The following LRRIQ3 variants were observed in gnomAD, a reference collection of about 807,000 sequenced individuals.
LRRIQ3 encodes the protein leucine rich repeats and IQ motif containing 3.
Under a neutral mutation model 59.3 loss-of-function variants are expected in LRRIQ3, and 75 were observed. The observed-to-expected ratio is 1.26, with a 90% CI of 1.05 to 1.53. The LOEUF (loss-of-function observed/expected upper bound fraction) is 1.53, where lower values mean the gene tolerates loss of function less well. LRRIQ3 is among the 40% of genes most tolerant of loss of function. The pLI is 0.00. For missense variants in LRRIQ3, 831 were observed against 710.0 expected, an observed-to-expected ratio of 1.17 and a Z score of -1.94; for synonymous variants, 250 against 231.3, an observed-to-expected ratio of 1.08 and a Z score of -0.73.
At chr1:74,051,386 T>A (rs1054344439) in intron 6 of LRRIQ3, among the ~76,000 whole-genome samples, 8 of 152,168 alleles carry the variant, frequency 5.3e-5, no homozygotes, top group Admixed American at 3.9e-4. Context: ...ATGTGACTGT[T>A]AGTGACAACG....
At chr1:74,180,587 G>C in intron 3 of LRRIQ3, 1 of 775,674 alleles carries the variant, frequency 1.3e-6, no homozygotes, top group Non-Finnish European at 2.0e-6. Context: ...CAAAATAGTA[G>C]AGGAGTATTT....
Position 74,027,459 on chromosome 1 carries a change from C to A in LRRIQ3, c.1719-490G>T, listed in dbSNP as rs1487944631. Reference sequence around the variant, plus strand: ...TTTGTGTACTTATAAGAAGAGGAAGCAAGAGCAGAGATGTGAGTGTACAGA... The same window carrying A: ...TTTGTGTACTTATAAGAAGAGGAAGAAAGAGCAGAGATGTGAGTGTACAGA... On this transcript the variant is annotated intron_variant, in intron 7 of 7. Transcript: ENST00000354431. Among the ~76,000 whole-genome samples the A allele has an allele frequency of 2.0e-5, 3 of 152,028 alleles. No individual in the cohort carries two copies. In the East Asian group the frequency reaches 5.8e-4, roughly 29 times the overall value.
intron 4 of LRRIQ3, among the ~76,000 whole-genome samples, chr1:74,148,741 A>G (rs950010537): frequency 1.3e-5 from 2 of 152,204 alleles, no homozygotes; most frequent in African/African-American, 4.8e-5. Flanking sequence ...TTACATCTGC[A>G]TAATATCATT....
rs546491368 is a variant in LRRIQ3, at chr1:74,144,127, T to C, written c.707+11606A>G. Among the ~76,000 whole-genome samples, 60 of 152,074 alleles carry C rather than the reference T, an allele frequency of 3.9e-4. 1 individual carries two copies. The South Asian group carries it at 4.6e-3, about 12-fold the overall frequency. On this transcript the variant is annotated intron_variant, in intron 4 of 7. Transcript: ENST00000354431. The stretch of plus-strand genomic sequence containing the variant: ...GGCACCTTTCAGTTAGTAGCTCTTG[T>C]TTTTTCTCTTTTCTCCTTAACAAAG...
intron 7 of LRRIQ3, among the ~76,000 whole-genome samples, chr1:74,034,035 T>C (rs1397753292): frequency 3.9e-5 from 6 of 152,004 alleles, no homozygotes; most frequent in African/African-American, 1.4e-4. Flanking sequence ...CTGTGGGTAT[T>C]TTATTAACTT....
chr1:74,063,935 T>A (rs1654799354), intron 6 of LRRIQ3, among the ~76,000 whole-genome samples: 1 of 151,912 alleles, frequency 6.6e-6, no homozygotes, highest in South Asian at 2.1e-4. Flanking sequence ...TTTAATTATT[T>A]TAATAATTGT....
chr1:74,134,011 A>G (rs1364940869), intron 4 of LRRIQ3, among the ~76,000 whole-genome samples: 1 of 151,940 alleles, frequency 6.6e-6, no homozygotes, highest in Non-Finnish European at 1.5e-5. Flanking sequence ...AGTATTATTT[A>G]TGAGAGTATT....
chr1:74,077,052 G>A (rs556930381), intron 5 of LRRIQ3, among the ~76,000 whole-genome samples: 28 of 152,056 alleles, frequency 1.8e-4, no homozygotes, highest in Middle Eastern at 3.4e-3. Flanking sequence ...AAGTAATGCT[G>A]CTTCTATTTT....
At chr1:74,174,295 G>T (rs1245589281) in intron 3 of LRRIQ3, among the ~76,000 whole-genome samples, 1 of 151,134 alleles carries the variant, frequency 6.6e-6, no homozygotes, top group African/African-American at 2.4e-5. Context: ...CTGCTTGACT[G>T]AGTCTACTGT....
chr1:74,155,888 A>G (rs1352243910), intron 3 of LRRIQ3, 22 bp from the exon 4 acceptor site: 1 of 1,182,374 alleles, frequency 8.5e-7, no homozygotes, highest in Non-Finnish European at 1.1e-6. Flanking sequence ...AAATATAATT[A>G]ATAATTTTTA....
At chr1:74,163,425 G>A (rs1648775766) in intron 3 of LRRIQ3, among the ~76,000 whole-genome samples, 1 of 151,344 alleles carries the variant, frequency 6.6e-6, no homozygotes, top group South Asian at 2.1e-4. Context: ...TAAACCCAGG[G>A]CATAGAACAA....
At chr1:74,035,164 T>A (rs1289995581) in intron 7 of LRRIQ3, among the ~76,000 whole-genome samples, 1 of 152,062 alleles carries the variant, frequency 6.6e-6, no homozygotes, top group Non-Finnish European at 1.5e-5. Flanking sequence ...GAGATATAAA[T>A]AATTGTGTTC....
intron 4 of LRRIQ3, among the ~76,000 whole-genome samples, chr1:74,141,127 C>A (rs373391128): frequency 1.3e-5 from 2 of 151,722 alleles, no homozygotes; most frequent in East Asian, 1.9e-4. Flanking sequence ...TAATTTGCGT[C>A]TTTTTACATT....
At chr1:74,081,270 T>G (rs534821908) in intron 5 of LRRIQ3, among the ~76,000 whole-genome samples, 1 of 151,670 alleles carries the variant, frequency 6.6e-6, no homozygotes, top group African/African-American at 2.4e-5. Flanking sequence ...AGCCAAGAAA[T>G]GAGGGCACCT....
intron 6 of LRRIQ3, among the ~76,000 whole-genome samples, chr1:74,060,224 C>CTTCTTG (rs1553163078): frequency 5.3e-5 from 6 of 112,170 alleles, no homozygotes; most frequent in African/African-American, 2.9e-4. Context: ...TCTTCTTGTT[C>CTTCTTG]TTCTTCTTCT....
chr1:74,040,364 C>T (rs546969239), intron 7 of LRRIQ3, among the ~76,000 whole-genome samples: 13 of 152,262 alleles, frequency 8.5e-5, no homozygotes, highest in Non-Finnish European at 1.8e-4. Flanking sequence ...ACCCCACTGT[C>T]AATATTAGAC....
intron 1 of LRRIQ3, among the ~76,000 whole-genome samples, chr1:74,190,022 G>A (rs1650657261): frequency 6.6e-6 from 1 of 152,094 alleles, no homozygotes; most frequent in South Asian, 2.1e-4. Context: ...CATGTAAGGA[G>A]CTTGGAGTAG....
At chr1:74,193,428 A>G (rs1411076371) in intron 1 of LRRIQ3, among the ~76,000 whole-genome samples, 1 of 152,170 alleles carries the variant, frequency 6.6e-6, no homozygotes, top group Non-Finnish European at 1.5e-5. Context: ...AACCATGTCT[A>G]TAAAATAAAA....
intron 5 of LRRIQ3, among the ~76,000 whole-genome samples, chr1:74,091,523 G>A (rs181512943): frequency 4.6e-5 from 7 of 152,028 alleles, no homozygotes; most frequent in South Asian, 2.1e-4. Context: ...TTGATTAAAC[G>A]TAGCTAACAA....
Sources: gnomAD v4.1 joint callset for allele counts (sites outside exome capture counted in the v4.1 genomes callset) on GRCh38, gnomAD v4.1.1 for gene constraint, MANE v1.5 for transcripts, NCBI Gene and HGNC (gene_info 2026-07-23, HGNC 2026-07-21) for gene names.